The following SPINK5 variants were observed in gnomAD, a reference collection of about 807,000 sequenced individuals.
SPINK5 encodes serine peptidase inhibitor Kazal type 5, also known as serine protease inhibitor Kazal-type 5.
In SPINK5, 125 loss-of-function variants were observed where a neutral mutation model predicts 151.8. The ratio of observed to expected loss-of-function variants is 0.82; its 90% CI spans 0.71 to 0.96. The LOEUF (loss-of-function observed/expected upper bound fraction) is 0.96. SPINK5 is among the 40% of genes least tolerant of loss of function. The probability of loss-of-function intolerance (pLI) is 0.00; values close to 1 mark genes in which losing one functional copy is unlikely to be tolerated. For synonymous variants in SPINK5, 374 were observed against 395.3 expected, an observed-to-expected ratio of 0.95 and a Z score of 0.64; for missense variants, 1,194 against 1,291.9, an observed-to-expected ratio of 0.92 and a Z score of 1.16.
At position 148,086,499 on chromosome 5, in the gene SPINK5, A is replaced by G. The variant is rs376123101; in HGVS notation, c.377A>G (p.Tyr126Cys). 1.2e-6 allele frequency: 2 copies of G among 1,611,866 alleles called. No individual in the cohort carries two copies. Among genetic ancestry groups the G allele is most frequent in the African/African-American group, 1.3e-5 (1 of 74,828 alleles). ...EAVCGTDGKTYDNRCALCAEN... is the reference protein window; with the variant it reads ...EAVCGTDGKTCDNRCALCAEN... ...GTTTGTGGCACAGATGGGAAAACAT[A>G]TGACAACAGATGTGCACTGTGTGCT... Residue 126 changes from tyrosine (Y) to cysteine (C), a missense_variant, in exon 5 of 33, where the codon TAT (tyrosine) becomes TGT (cysteine). By Grantham distance (194) the Tyr-to-Cys change is radical. Transcript: ENST00000256084.
chr5:148,066,073 G>T (rs1168440048), intron 2 of SPINK5, among the ~76,000 whole-genome samples: 2 of 152,036 alleles, frequency 1.3e-5, no homozygotes, highest in Non-Finnish European at 2.9e-5. Flanking sequence ...GTTCTCTCTG[G>T]ACAGACAGTA....
intron 20 of SPINK5, 52 bp from the exon 21 acceptor site, chr5:148,114,310 A>G: frequency 6.3e-7 from 1 of 1,594,470 alleles, no homozygotes; most frequent in African/African-American, 1.3e-5. Flanking sequence ...GGAACCCAGT[A>G]AACTAATTTC....
At chr5:148,080,003 A>C (rs1359363585) in intron 4 of SPINK5, among the ~76,000 whole-genome samples, 1 of 151,052 alleles carries the variant, frequency 6.6e-6, no homozygotes, top group Admixed American at 6.6e-5. Context: ...CATATATGAA[A>C]AGTTCTAGGG....
At position 148,120,367 on chromosome 5, in the gene SPINK5, A is replaced by G. The variant is rs777226517; in HGVS notation, c.2514A>G (p.Thr838=). 2.5e-6 allele frequency: 4 copies of G among 1,600,050 alleles called. No individual in the cohort carries two copies. The highest frequency in any genetic ancestry group is 1.7e-4 in the Middle Eastern group (1 of 6,052). Residue 838 remains threonine (T), a synonymous_variant, in exon 26 of 33, where the codon ACA becomes ACG. Coordinates refer to ENST00000256084, the MANE Select transcript of SPINK5 (RefSeq NM_006846.4). ...GCAATACAGGAGAAAGGAGCAATAC[A>G]GGAGAAAGGAGCAATGACAAAGAGG... ...DRSNTGERSN[T]GERSNDKEDL...
intron 4 of SPINK5, among the ~76,000 whole-genome samples, chr5:148,082,032 G>A (rs1238872437): frequency 6.6e-6 from 1 of 151,574 alleles, no homozygotes; most frequent in East Asian, 1.9e-4. Flanking sequence ...TTTTTGTAAT[G>A]TATTAGCATA....
At position 148,116,382 on chromosome 5, in the gene SPINK5, T is replaced by C. The variant is rs759865012; in HGVS notation, c.2028T>C (p.Asn676=). The C allele has an allele frequency of 2.5e-6, 4 of 1,613,576 alleles. No individual in the cohort carries two copies. The African/African-American group carries it at 4.0e-5, about 16-fold the overall frequency. The change falls in exon 22 of 33, where the codon AAT becomes AAC. Residue 676 remains asparagine, a synonymous_variant. Transcript: ENST00000256084. ...TTCTAATTTCCAGCCAGAAAGAAAA[T>C]GAGGAAAGAAAGAGGAAAGAAGAGG... ...AMCKAVFQKE[N]EERKRKEEED...
chr5:148,105,706 G>T (rs6896914), intron 16 of SPINK5, among the ~76,000 whole-genome samples: 114,259 of 151,574 alleles, frequency 0.75, 44,258 homozygotes, highest in African/African-American at 0.93. Context: ...AACCTCTGCC[G>T]CCCGGGTTCA....
chr5:148,108,795 A>G lies in SPINK5; in HGVS notation c.1650A>G (p.Lys550=), dbSNP rs961767606. The change falls in exon 18 of 33, where the codon AAA becomes AAG. Residue 550 remains lysine, a synonymous_variant. Transcript: ENST00000256084. ...EEEKKNDKEE[K]GKVEAEKVKR... ...AGAAGAAAAATGATAAAGAAGAAAAAGGGAAAGTCGAGGCTGAAAAAGTTA... is the reference window on the plus strand; with the variant it reads ...AGAAGAAAAATGATAAAGAAGAAAAGGGGAAAGTCGAGGCTGAAAAAGTTA... The G allele has an allele frequency of 1.2e-6, 2 of 1,611,926 alleles. No individual in the cohort carries two copies. Among genetic ancestry groups the G allele is most frequent in the South Asian group, 2.2e-5 (2 of 91,022 alleles).
intron 30 of SPINK5, 112 bp downstream of exon 30, chr5:148,127,191 G>A: frequency 1.2e-6 from 1 of 865,152 alleles, no homozygotes; most frequent in Non-Finnish European, 1.8e-6. Flanking sequence ...CTGATTCAGT[G>A]CAGCCTGAAG....
chr5:148,123,521 G>GTATATATATATATATATA (rs1159209367), intron 26 of SPINK5, among the ~76,000 whole-genome samples: 2 of 25,014 alleles, frequency 8.0e-5, no homozygotes, highest in African/African-American at 1.6e-4. Context: ...CAATATATGT[G>GTATATATATATATATATA]TATATATATA....
At chr5:148,112,393 G>A (rs1191391961) in intron 19 of SPINK5, among the ~76,000 whole-genome samples, 2 of 152,120 alleles carry the variant, frequency 1.3e-5, no homozygotes, top group African/African-American at 2.4e-5. Context: ...GAACAAGAAC[G>A]GCTGGGTGTG....
At chr5:148,135,165 C>T (rs962179977) in intron 32 of SPINK5, among the ~76,000 whole-genome samples, 4 of 152,156 alleles carry the variant, frequency 2.6e-5, no homozygotes, top group African/African-American at 9.7e-5. Context: ...GGAGTTTAAA[C>T]TTTAACTCTA....
chr5:148,080,315 A>G (rs184546753), intron 4 of SPINK5, among the ~76,000 whole-genome samples: 11 of 151,508 alleles, frequency 7.3e-5, no homozygotes, highest in African/African-American at 2.4e-4. Context: ...AATTTTCCCA[A>G]TATTAATCAA....
intron 9 of SPINK5, 34 bp downstream of exon 9, chr5:148,094,515 A>C: frequency 6.2e-7 from 1 of 1,611,328 alleles, no homozygotes; most frequent in Non-Finnish European, 8.5e-7. Context: ...AGAGTGATTC[A>C]AAGGGTGGGA....
chr5:148,086,665 A>G, intron 5 of SPINK5, 133 bp downstream of exon 5: 1 of 1,092,520 alleles, frequency 9.2e-7, no homozygotes, highest in Non-Finnish European at 1.3e-6. Flanking sequence ...TATTAGTACC[A>G]CTTCTTTTAC....
intron 3 of SPINK5, among the ~76,000 whole-genome samples, chr5:148,070,880 A>G (rs372895584): frequency 1.3e-5 from 2 of 152,110 alleles, no homozygotes; most frequent in African/African-American, 2.4e-5. Context: ...ACAGCCAACC[A>G]GCAGAAGGAC....
intron 31 of SPINK5, 34 bp from the exon 32 acceptor site, chr5:148,133,763 C>A (rs374183908): frequency 5.6e-6 from 9 of 1,606,546 alleles, no homozygotes; most frequent in Non-Finnish European, 7.7e-6. Context: ...CTGAGAACTT[C>A]CTCGTTGTTG....
In SPINK5 at chr5:148,136,992, C is replaced by T; in HGVS notation, c.*1C>T. The T allele has an allele frequency of 6.2e-7, 1 of 1,613,644 alleles. No individual in the cohort carries two copies. Among genetic ancestry groups the T allele is most frequent in the Non-Finnish European group, 8.5e-7 (1 of 1,179,668 alleles). On this transcript the variant is annotated 3_prime_UTR_variant, in exon 33 of 33. Transcript: ENST00000256084. ...CCATCTTCTCTTCTAGGACGAATGACAGGAAGATTGTTGAAAGCCATGAGG... is the reference window on the plus strand; with the variant it reads ...CCATCTTCTCTTCTAGGACGAATGATAGGAAGATTGTTGAAAGCCATGAGG...
chr5:148,102,934 A>G (rs1753686505), intron 15 of SPINK5, among the ~76,000 whole-genome samples: 1 of 152,120 alleles, frequency 6.6e-6, no homozygotes, highest in Non-Finnish European at 1.5e-5. Flanking sequence ...GATGAATGTC[A>G]TGGTATGGCC....
Sources: allele counts gnomAD v4.1 joint callset (sites outside exome capture counted in the v4.1 genomes callset), GRCh38; gene constraint gnomAD v4.1.1; transcripts MANE v1.5; gene names NCBI Gene and HGNC (gene_info 2026-07-23, HGNC 2026-07-21).